Variants in MYO16 observed in about 807,000 individuals in gnomAD.
MYO16 encodes the protein unconventional myosin-XVI.
MYO16 carries 94 observed loss-of-function variants against 205.3 expected under a neutral mutation model. The observed-to-expected ratio is 0.46, with a 90% CI of 0.39 to 0.54. MYO16 has a LOEUF of 0.54. MYO16 is among the 20% of genes least tolerant of loss of function. The probability of loss-of-function intolerance (pLI) is 0.00; values close to 1 mark genes in which losing one functional copy is unlikely to be tolerated. For synonymous variants in MYO16, 988 were observed against 954.0 expected (o/e 1.04, Z -0.66); for missense variants, 2,315 against 2,387.5 (o/e 0.97, Z 0.63).
intron 9 of MYO16, among the ~76,000 whole-genome samples, chr13:108,832,895 A>G (rs1225983906): frequency 6.6e-6 from 1 of 152,154 alleles, no homozygotes; most frequent in Non-Finnish European, 1.5e-5. Flanking sequence ...ATATTGATAA[A>G]CCTGTCAATA....
chr13:108,751,510 T>C (rs533856516), intron 4 of MYO16, among the ~76,000 whole-genome samples: 34 of 152,192 alleles, frequency 2.2e-4, no homozygotes, highest in Non-Finnish European at 4.3e-4. Flanking sequence ...AATAAGTATG[T>C]AGCTTCTACA....
rs899850104 is a variant in MYO16 at position 108,988,860 on chromosome 13, G to C, written c.2370-3516G>C. On this transcript the variant is annotated intron_variant, in intron 20 of 34. Coordinates refer to ENST00000457511, the MANE Select transcript of MYO16 (RefSeq NM_001198950.3). ...AGTGGATAGAGAGGCATCTGTGCTCGGGACCAGCACCCGGCCTTCAGGGGA... is the reference window on the plus strand; with the variant it reads ...AGTGGATAGAGAGGCATCTGTGCTCCGGACCAGCACCCGGCCTTCAGGGGA... 5.3e-5 allele frequency among the ~76,000 whole-genome samples: 8 copies of C among 152,092 alleles called. No individual in the cohort carries two copies. The South Asian group carries it at 6.2e-4, about 12-fold the overall frequency.
the MYO16 span, among the ~76,000 whole-genome samples, chr13:108,574,563 CT>C: frequency 6.6e-6 from 1 of 152,088 alleles, no homozygotes; most frequent in Non-Finnish European, 1.5e-5. Context: ...AAAGCTTCAA[CT>C]CAGTAACTTA....
At chr13:108,938,860 C>T (rs961978740) in intron 16 of MYO16, among the ~76,000 whole-genome samples, 1 of 152,062 alleles carries the variant, frequency 6.6e-6, no homozygotes, top group African/African-American at 2.4e-5. Flanking sequence ...CTTGCTGCAC[C>T]ACAATCTCAG....
At chr13:109,134,145 T>C (rs994669028) in intron 31 of MYO16, among the ~76,000 whole-genome samples, 8 of 152,336 alleles carry the variant, frequency 5.3e-5, no homozygotes, top group Non-Finnish European at 1.0e-4. Context: ...ATCTGTAGAA[T>C]AGCCCTACCT....
At chr13:108,772,228 G>A (rs978175024) in intron 4 of MYO16, among the ~76,000 whole-genome samples, 5 of 152,118 alleles carry the variant, frequency 3.3e-5, no homozygotes, top group Non-Finnish European at 5.9e-5. Context: ...GCATGGTGGT[G>A]CACACCTGTG....
At position 109,055,854 on chromosome 13, in the gene MYO16, C is replaced by T. The variant is rs1594507589; in HGVS notation, c.3335+259C>T. 3 of 327,182 alleles carry T rather than the reference C, an allele frequency of 9.2e-6. No homozygotes were observed. In the East Asian group the frequency reaches 1.5e-4, roughly 17 times the overall value. The allele number at this position is 327,182 out of a possible 1,614,324, so 20.3% of individuals were successfully genotyped here. A position where few individuals can be genotyped will look rare whatever the true frequency, so the allele number is the denominator to read the frequency against. On this transcript the variant is annotated intron_variant, in intron 27 of 34. Coordinates refer to ENST00000457511, the MANE Select transcript of MYO16 (RefSeq NM_001198950.3). The surrounding 1 kb of genome is among the most constrained non-coding windows in gnomAD (Gnocchi z 5.0). Reference sequence around the variant, plus strand: ...ATGTTCCTTTCAAAGTGTGGCTTTCCTTGGATTAAAGTTTTGTAAAATGAT... The same window carrying T: ...ATGTTCCTTTCAAAGTGTGGCTTTCTTTGGATTAAAGTTTTGTAAAATGAT...
chr13:109,115,712 T>C (rs559753614), intron 28 of MYO16, among the ~76,000 whole-genome samples: 20 of 152,306 alleles, frequency 1.3e-4, no homozygotes, highest in African/African-American at 4.1e-4. Context: ...TCAATAATTT[T>C]CTTTCGGTCA....
intron 16 of MYO16, among the ~76,000 whole-genome samples, chr13:108,941,709 A>G (rs1285960599): frequency 2.0e-5 from 3 of 151,800 alleles, no homozygotes; most frequent in East Asian, 1.9e-4. Flanking sequence ...AAAAGAAAAA[A>G]AAAAGAAAGT....
intron 32 of MYO16, among the ~76,000 whole-genome samples, chr13:109,146,946 AG>A (rs1261872439): frequency 6.6e-6 from 1 of 151,874 alleles, no homozygotes; most frequent in African/African-American, 2.4e-5. Flanking sequence ...TTCTTTAAGA[AG>A]AAAAAAACAT....
At chr13:108,762,356 A>T (rs1885637794) in intron 4 of MYO16, among the ~76,000 whole-genome samples, 1 of 152,222 alleles carries the variant, frequency 6.6e-6, no homozygotes, top group Non-Finnish European at 1.5e-5. Context: ...TTGGGAAGAT[A>T]CCAAGTAGTG....
At chr13:108,943,019 A>C (rs1296866996) in intron 16 of MYO16, among the ~76,000 whole-genome samples, 1 of 152,232 alleles carries the variant, frequency 6.6e-6, no homozygotes, top group African/African-American at 2.4e-5. Context: ...AAGCATGATT[A>C]GTATCAAATT....
At chr13:108,906,830 GCT>G (rs1318957251) in intron 15 of MYO16, among the ~76,000 whole-genome samples, 3 of 152,160 alleles carry the variant, frequency 2.0e-5, no homozygotes, top group Non-Finnish European at 4.4e-5. Context: ...AGCCCAGAGG[GCT>G]GCAGGGATTG....
chr13:109,145,431 T>C (rs73619952), intron 32 of MYO16, among the ~76,000 whole-genome samples: 3,859 of 152,208 alleles, frequency 0.025, 68 homozygotes, highest in South Asian at 0.03. Flanking sequence ...GTAATAGTCA[T>C]AAGAGTTTAG....
At chr13:108,697,876 C>A (rs1325616317) in intron 2 of MYO16, among the ~76,000 whole-genome samples, 1 of 152,096 alleles carries the variant, frequency 6.6e-6, no homozygotes, top group Non-Finnish European at 1.5e-5. Flanking sequence ...GCGTGCACCA[C>A]CACACCTGGC....
chr13:108,576,142 G>A, the MYO16 span, among the ~76,000 whole-genome samples: 1 of 152,158 alleles, frequency 6.6e-6, no homozygotes, highest in Admixed American at 6.5e-5. Flanking sequence ...CAAAACTACA[G>A]AAAGGACTTA....
intron 16 of MYO16, among the ~76,000 whole-genome samples, chr13:108,910,354 T>C (rs1000024564): frequency 8.4e-5 from 11 of 130,906 alleles, no homozygotes; most frequent in African/African-American, 3.2e-4. Flanking sequence ...TGAACAAACT[T>C]ATATTTTACT....
At chr13:108,968,169 C>T (rs1404556307) in intron 20 of MYO16, among the ~76,000 whole-genome samples, 1 of 152,182 alleles carries the variant, frequency 6.6e-6, no homozygotes, top group Non-Finnish European at 1.5e-5. Flanking sequence ...CTCTCCTCAC[C>T]GTGTCTTCAC....
At chr13:108,943,827 C>A (rs1018690971) in intron 16 of MYO16, among the ~76,000 whole-genome samples, 9 of 152,116 alleles carry the variant, frequency 5.9e-5, no homozygotes, top group African/African-American at 2.2e-4. Flanking sequence ...CCTCGTGATC[C>A]GCCCGCCTCG....
Sources: allele counts gnomAD v4.1 joint callset (sites outside exome capture counted in the v4.1 genomes callset), GRCh38; gene constraint gnomAD v4.1.1; non-coding constraint Gnocchi (gnomAD v3.1); transcripts MANE v1.5; gene names NCBI Gene and HGNC (gene_info 2026-07-23, HGNC 2026-07-21).